The following HEATR5B variants were observed in gnomAD, a reference collection of about 807,000 sequenced individuals.
The protein encoded by HEATR5B is HEAT repeat-containing protein 5B.
Under a neutral mutation model 224.1 loss-of-function variants are expected in HEATR5B, and 156 were observed. The ratio of observed to expected loss-of-function variants is 0.70; its 90% CI spans 0.61 to 0.80. The LOEUF (loss-of-function observed/expected upper bound fraction) is 0.80, where lower values mean the gene tolerates loss of function less well. HEATR5B is among the 30% of genes least tolerant of loss of function. The pLI is 0.00. For synonymous variants in HEATR5B, 1,027 were observed against 893.0 expected, an observed-to-expected ratio of 1.15 and a Z score of -2.68; for missense variants, 2,323 against 2,535.5, an observed-to-expected ratio of 0.92 and a Z score of 1.80.
At chr2:37,001,962 T>C (rs1313426647) in intron 32 of HEATR5B, among the ~76,000 whole-genome samples, 1 of 152,248 alleles carries the variant, frequency 6.6e-6, no homozygotes, top group Non-Finnish European at 1.5e-5. Flanking sequence ...CCACCGCACC[T>C]GGCCTTGAGT....
intron 7 of HEATR5B, 36 bp from the exon 8 acceptor site, chr2:37,068,966 T>A: frequency 6.3e-7 from 1 of 1,581,608 alleles, no homozygotes; most frequent in Non-Finnish European, 8.6e-7. Flanking sequence ...CAGATACACT[T>A]ACATAACTGA....
intron 20 of HEATR5B, among the ~76,000 whole-genome samples, chr2:37,038,277 T>C (rs929638692): frequency 2.0e-5 from 3 of 151,944 alleles, no homozygotes; most frequent in African/African-American, 7.3e-5. Context: ...GTAGCTGGGA[T>C]TACAAGCACG....
chr2:37,024,706 C>T (rs1668662554), intron 24 of HEATR5B, among the ~76,000 whole-genome samples: 1 of 152,120 alleles, frequency 6.6e-6, no homozygotes, highest in Admixed American at 6.5e-5. Context: ...ATTATGCCAA[C>T]CTAAAAGTAA....
intron 16 of HEATR5B, chr2:37,055,031 T>C (rs1411031929): frequency 2.8e-6 from 1 of 352,896 alleles, no homozygotes; most frequent in Non-Finnish European, 5.8e-6. Context: ...TGTACGTGTA[T>C]ACATGCACAT....
At chr2:37,066,334 C>T (rs144825050) in intron 8 of HEATR5B, among the ~76,000 whole-genome samples, 148 of 152,292 alleles carry the variant, frequency 9.7e-4, no homozygotes, top group Non-Finnish European at 1.8e-3. Context: ...TCAAACGGTA[C>T]TGTGGTGATT....
intron 24 of HEATR5B, among the ~76,000 whole-genome samples, chr2:37,023,728 A>T (rs911459388): frequency 6.6e-6 from 1 of 152,136 alleles, no homozygotes; most frequent in South Asian, 2.1e-4. Context: ...CAGTGAGCCG[A>T]GATCACAGCA....
At chr2:37,035,235 C>A (rs1029787696) in intron 21 of HEATR5B, among the ~76,000 whole-genome samples, 4 of 152,184 alleles carry the variant, frequency 2.6e-5, no homozygotes, top group African/African-American at 9.7e-5. Flanking sequence ...CTCAGGTGTA[C>A]TTTTCCTTTT....
intron 24 of HEATR5B, among the ~76,000 whole-genome samples, chr2:37,023,044 G>T (rs887484455): frequency 6.6e-6 from 1 of 151,890 alleles, no homozygotes; most frequent in Non-Finnish European, 1.5e-5. Flanking sequence ...ACTTTAAATA[G>T]CTATTATCAA....
chr2:37,076,166 T>G (rs1361598505), intron 4 of HEATR5B: 1 of 152,418 alleles, frequency 6.6e-6, no homozygotes, highest in East Asian at 1.9e-4. Context: ...ATCACAATGC[T>G]TATTCACACT....
At chr2:37,033,001 C>T (rs1022585785) in intron 21 of HEATR5B, among the ~76,000 whole-genome samples, 2 of 151,918 alleles carry the variant, frequency 1.3e-5, no homozygotes, top group Admixed American at 6.6e-5. Flanking sequence ...TGGCCTCGGC[C>T]TCCCAAGTAG....
chr2:37,051,815 T>C (rs1281082680), intron 17 of HEATR5B, among the ~76,000 whole-genome samples: 15 of 151,984 alleles, frequency 9.9e-5, no homozygotes, highest in Non-Finnish European at 1.2e-4. Flanking sequence ...TCTCGGCTCA[T>C]TGCAACCTCT....
At chr2:37,022,767 T>C (rs1362306958) in intron 24 of HEATR5B, among the ~76,000 whole-genome samples, 1 of 152,214 alleles carries the variant, frequency 6.6e-6, no homozygotes, top group African/African-American at 2.4e-5. Context: ...TGGATCTGTA[T>C]GAACAAAGTT....
rs926215060 is a variant in HEATR5B at position 37,005,650 on chromosome 2, G to T, written c.4887C>A (p.Val1629=). 1 of 1,613,594 alleles carries T rather than the reference G, an allele frequency of 6.2e-7. No individual in the cohort carries two copies. Among genetic ancestry groups the T allele is most frequent in the African/African-American group, 1.3e-5 (1 of 74,996 alleles). The change falls in exon 30 of 36, where the codon GTC becomes GTA. Residue 1629 remains valine (V), a synonymous_variant. Coordinates refer to ENST00000233099, the MANE Select transcript of HEATR5B (RefSeq NM_019024.3). ...HTLLDSPYAR[V]HIAEDQLIGV... ...ACTGTACCTGATCTTCTGCAATATG[G>T]ACTCGAGCATAAGGGGAGTCTAGCA...
In HEATR5B at chr2:37,039,005, A is replaced by C. The variant is rs143678761; in HGVS notation, c.3047-981T>G. On this transcript the variant is annotated intron_variant, in intron 20 of 35. Coordinates refer to ENST00000233099, the MANE Select transcript of HEATR5B (RefSeq NM_019024.3). ...TTAAAAATATCTGTCAAAATGGAGG[A>C]AACATAGCATAGAGATTAAGAATGC... Among the ~76,000 whole-genome samples, 206 of 151,752 alleles carry C rather than the reference A, an allele frequency of 1.4e-3. 1 individual carries two copies. The highest frequency in any genetic ancestry group is 4.8e-3 in the African/African-American group (199 of 41,370).
rs1422839972 is a variant in HEATR5B at position 37,008,465 on chromosome 2, T to C, written c.4522+146A>G. 4.6e-6 allele frequency: 3 copies of C among 647,902 alleles called. No homozygotes were observed. The East Asian group carries it at 8.0e-5, about 17-fold the overall frequency. The allele number at this position is 647,902 out of a possible 1,614,324, so 40.1% of individuals were successfully genotyped here. A position where few individuals can be genotyped will look rare whatever the true frequency, so the allele number is the denominator to read the frequency against. ...ATCTACAAATTCAATATAGAGTACA[T>C]ATTCTAACTGAGACAACATCAAACT... On this transcript the variant is annotated intron_variant, in intron 28 of 35. Transcript: ENST00000233099.
chr2:37,065,455 C>T (rs1671533000), intron 9 of HEATR5B, among the ~76,000 whole-genome samples: 1 of 151,862 alleles, frequency 6.6e-6, no homozygotes, highest in East Asian at 1.9e-4. Context: ...ATTACAGGCA[C>T]GTGTCACCAC....
rs748980862 is a variant in HEATR5B at position 37,000,826 on chromosome 2, C to A, written c.5318-13G>T. On this transcript the variant is annotated splice_polypyrimidine_tract_variant and intron_variant, in intron 32 of 35. Coordinates refer to ENST00000233099, the MANE Select transcript of HEATR5B (RefSeq NM_019024.3). ...ATTGTCATACATCCTGAAAGAAAAA[C>A]AAATCAGATCACCTCATAACTATTC... is the stretch of plus-strand genomic sequence containing the variant. The A allele has an allele frequency of 6.6e-7, 1 of 1,521,300 alleles. No homozygotes were observed. Among genetic ancestry groups the A allele is most frequent in the East Asian group, 2.3e-5 (1 of 44,384 alleles). 94.2% of individuals were successfully genotyped at this position (1,521,300 alleles called of 1,614,324 possible). A position where few individuals can be genotyped will look rare whatever the true frequency, so the allele number is the denominator to read the frequency against.
At position 37,005,674 on chromosome 2, in the gene HEATR5B, C is replaced by G; in HGVS notation, c.4863G>C (p.Leu1621Phe). The G allele has an allele frequency of 6.2e-7, 1 of 1,613,472 alleles. No individual in the cohort carries two copies. The highest frequency in any genetic ancestry group is 8.5e-7 in the Non-Finnish European group (1 of 1,179,490). Residue 1621 changes from leucine (L) to phenylalanine (F), a missense_variant, in exon 30 of 36, where the codon TTG becomes TTC. Physicochemically the swap from Leu to Phe is conservative, Grantham distance 22 (BLOSUM62 0). Around this residue, in one of 12 missense-constraint regions of HEATR5B, gnomAD observed 844 missense variants for 812.9 expected, o/e 1.04. Coordinates refer to ENST00000233099, the MANE Select transcript of HEATR5B (RefSeq NM_019024.3). ...GGACTCGAGCATAAGGGGAGTCTAGCAAGGTATGTAAGGCCTGCAGGCATG... is the reference window on the plus strand; with the variant it reads ...GGACTCGAGCATAAGGGGAGTCTAGGAAGGTATGTAAGGCCTGCAGGCATG... ...VTACLQALHT[L>F]LDSPYARVHI...
chr2:37,040,017 T>G (rs1262502944), intron 20 of HEATR5B, among the ~76,000 whole-genome samples: 1 of 152,226 alleles, frequency 6.6e-6, no homozygotes, highest in African/African-American at 2.4e-5. Flanking sequence ...CATGAAGACA[T>G]GTGGATAGCA....
Sources: gnomAD v4.1 joint callset for allele counts (sites outside exome capture counted in the v4.1 genomes callset) on GRCh38, gnomAD v4.1.1 for gene constraint, gnomAD v4.1.1 regional missense constraint, MANE v1.5 for transcripts, NCBI Gene and HGNC (gene_info 2026-07-23, HGNC 2026-07-21) for gene names.